The following HMCN2 variants were observed in gnomAD, a reference collection of about 807,000 sequenced individuals.
HMCN2 encodes the protein hemicentin 2.
A neutral mutation model predicts 377.5 loss-of-function variants in HMCN2; 325 were observed. That is an observed-to-expected ratio of 0.86 (90% CI 0.79 to 0.94). HMCN2 has a LOEUF of 0.94. Ranked by LOEUF, HMCN2 falls within the 40% of genes least tolerant of loss-of-function variation. The pLI, the probability that HMCN2 is intolerant of heterozygous loss-of-function variation, is 0.00. For missense variants in HMCN2, 4,543 were observed against 4,725.3 expected (o/e 0.96, Z 1.13); for synonymous variants, 2,007 against 2,046.8 (o/e 0.98, Z 0.53).
Position 130,427,326 on chromosome 9 carries a change from C to G in HMCN2, c.13893C>G (p.Val4631=). ...TTTGCTTTGCAGAGGAGAACGAGGT[C>G]GGCTGCCCCGAGGGCTTTGAGCTGG... ...ATALQAEENE[V]GCPEGFELDS... Residue 4631 remains valine, a synonymous_variant, in exon 91 of 98, where the codon GTC becomes GTG. Coordinates refer to ENST00000683500, the MANE Select transcript of HMCN2 (RefSeq NM_001291815.2). 1 of 1,550,530 alleles carries G rather than the reference C, an allele frequency of 6.4e-7. No homozygotes were observed.
chr9:130,391,754 AG>A (rs1302351533), intron 65 of HMCN2, among the ~76,000 whole-genome samples, 180 bp downstream of exon 65: 2 of 152,106 alleles, frequency 1.3e-5, no homozygotes, highest in Non-Finnish European at 2.9e-5. Flanking sequence ...GAGATTCGGG[AG>A]GTGAGAAGAG....
chr9:130,351,301 C>T lies in HMCN2; in HGVS notation c.4431-122C>T. On this transcript the variant is annotated intron_variant, in intron 29 of 97. Coordinates refer to ENST00000683500, the MANE Select transcript of HMCN2 (RefSeq NM_001291815.2). The surrounding 1 kb of genome is among the most constrained non-coding windows in gnomAD (Gnocchi z 5.4). ...GCTTACTGGGCCTTTGCATTGCTCC[C>T]ACCTCTTGGCGCTAATGAATGGCCC... 3.0e-6 allele frequency: 2 copies of T among 658,554 alleles called. No homozygotes were observed. Among genetic ancestry groups the T allele is most frequent in the Middle Eastern group, 5.1e-4 (1 of 1,952 alleles). 40.8% of individuals were successfully genotyped at this position (658,554 alleles called of 1,614,324 possible).
At chr9:130,309,710 T>C (rs1554938215) in intron 14 of HMCN2, among the ~76,000 whole-genome samples, 1 of 151,922 alleles carries the variant, frequency 6.6e-6, no homozygotes, top group African/African-American at 2.4e-5. Context: ...GCCCCAACCC[T>C]GTTCAACAGA....
intron 19 of HMCN2, among the ~76,000 whole-genome samples, chr9:130,323,857 C>T (rs1368326937): frequency 6.6e-6 from 1 of 152,130 alleles, no homozygotes; most frequent in Non-Finnish European, 1.5e-5. Flanking sequence ...CATGTGCCAC[C>T]ATGCCCGGCT....
chr9:130,421,748 C>T (rs946785650), intron 86 of HMCN2, among the ~76,000 whole-genome samples: 2 of 152,242 alleles, frequency 1.3e-5, no homozygotes, highest in Non-Finnish European at 2.9e-5. Flanking sequence ...CATCAAACCC[C>T]AGCTATGGGC....
intron 31 of HMCN2, among the ~76,000 whole-genome samples, chr9:130,353,534 C>T (rs1349542713): frequency 6.6e-6 from 1 of 152,208 alleles, no homozygotes; most frequent in African/African-American, 2.4e-5. Context: ...TAATTAACTG[C>T]CCTCAGCTCA....
Position 130,422,530 on chromosome 9 carries a change from C to A in HMCN2, c.13232-47C>A. 7.8e-7 allele frequency: 1 copy of A among 1,282,434 alleles called. No homozygotes were observed. The highest frequency in any genetic ancestry group is 2.7e-5 in the South Asian group (1 of 36,920). The allele number at this position is 1,282,434 out of a possible 1,614,324, so 79.4% of individuals were successfully genotyped here. On this transcript the variant is annotated intron_variant, in intron 86 of 97. Transcript: ENST00000683500. This position sits in a 1 kb window ranked among gnomAD's most constrained non-coding sequence, Gnocchi z 4.2. ...TGACAGCCTGCTTGTGCTGTGGGCC[C>A]CGGGGTGGATAGTCAGTGGCACTGT...
At position 130,304,816 on chromosome 9, in the gene HMCN2, G is replaced by A; in HGVS notation, c.1630G>A (p.Ala544Thr). 2.1e-6 allele frequency: 1 copy of A among 471,152 alleles called. No homozygotes were observed. The allele number at this position is 471,152 out of a possible 1,614,324, so 29.2% of individuals were successfully genotyped here. Residue 544 changes from alanine to threonine, a missense_variant, in exon 11 of 98, where the codon GCC becomes ACC. Coordinates refer to ENST00000683500, the MANE Select transcript of HMCN2 (RefSeq NM_001291815.2). This position sits in a 1 kb window ranked among gnomAD's most constrained non-coding sequence, Gnocchi z 4.3. ...CCTATCCTGCCGGGTCCTAGGCGAG[G>A]CCCCCTACAACCTGACGTGGGTCCG... ...AVLSCRVLGE[A>T]PYNLTWVRDW...
intron 31 of HMCN2, 70 bp downstream of exon 31, chr9:130,353,275 GTCTCCAAA>G: frequency 8.0e-7 from 1 of 1,252,188 alleles, no homozygotes; most frequent in Non-Finnish European, 1.0e-6. Context: ...GCCCCTGCCT[GTCTCCAAA>G]GGAAGGCTAG....
At chr9:130,284,800 G>T (rs531430433) in intron 2 of HMCN2, 127 bp downstream of exon 2, 1 of 429,096 alleles carries the variant, frequency 2.3e-6, no homozygotes, top group South Asian at 1.7e-5. Flanking sequence ...GGGTGAATGT[G>T]TGGCTTCCTT....
chr9:130,286,714 G>A (rs1835432908), intron 4 of HMCN2, among the ~76,000 whole-genome samples: 1 of 152,254 alleles, frequency 6.6e-6, no homozygotes, highest in East Asian at 1.9e-4. Context: ...CAGAGTCAGG[G>A]AACCTGCGGT....
chr9:130,292,865 G>T (rs141537935), intron 4 of HMCN2, among the ~76,000 whole-genome samples: 1 of 152,144 alleles, frequency 6.6e-6, no homozygotes, highest in African/African-American at 2.4e-5. Context: ...AGGAACCCTC[G>T]TGGGGAATGG....
chr9:130,305,556 A>T (rs1177474242), intron 11 of HMCN2, among the ~76,000 whole-genome samples: 1 of 152,202 alleles, frequency 6.6e-6, no homozygotes, highest in African/African-American at 2.4e-5. Context: ...AGTGGCTGCC[A>T]GAGTGTGTTG....
intron 4 of HMCN2, among the ~76,000 whole-genome samples, chr9:130,288,039 A>C (rs1835515756): frequency 6.6e-6 from 1 of 152,162 alleles, no homozygotes; most frequent in African/African-American, 2.4e-5. Context: ...CCTCGCACCG[A>C]GTCACCCAAG....
At position 130,383,570 on chromosome 9, in the gene HMCN2, G is replaced by T. The variant is rs951802780; in HGVS notation, c.8800G>T (p.Ala2934Ser). The T allele has an allele frequency of 2.0e-6, 2 of 986,018 alleles. No homozygotes were observed. The highest frequency in any genetic ancestry group is 1.2e-6 in the Non-Finnish European group (1 of 830,052). The allele number at this position is 986,018 out of a possible 1,614,324, so 61.1% of individuals were successfully genotyped here. The stretch of plus-strand genomic sequence containing the variant: ...TGTGGCCGAGAACCAGGCGGGCTCC[G>T]CTGAGAAGCTCTTCACCCTCAGGGT... ...MCVAENQAGS[A>S]EKLFTLRVQV... Residue 2934 changes from alanine to serine, a missense_variant, in exon 57 of 98, where the codon GCT (alanine) becomes TCT (serine). Coordinates refer to ENST00000683500, the MANE Select transcript of HMCN2 (RefSeq NM_001291815.2).
intron 71 of HMCN2, 52 bp downstream of exon 71, chr9:130,395,399 C>T: frequency 1.6e-6 from 2 of 1,232,996 alleles, no homozygotes; most frequent in African/African-American, 1.6e-5. Context: ...GCTCAGGCCT[C>T]AGACCTGACC....
rs1839930333 is a variant in HMCN2 at position 130,354,768 on chromosome 9, C to T, written c.4870C>T (p.Pro1624Ser). The part of the protein sequence containing the change: ...KATRLDVYVP[P>S]TIEGAGGRPY... The stretch of plus-strand genomic sequence containing the variant: ...GCCCCCTGCCTCTTTTCCAGTCCCA[C>T]CTACCATCGAGGGCGCCGGTGGAAG... Residue 1624 changes from proline (P) to serine (S), a missense_variant, in exon 32 of 98, where the codon CCT becomes TCT. By Grantham distance (74) the Pro-to-Ser change is moderately conservative (BLOSUM62 -1). Transcript: ENST00000683500. 1.5e-6 allele frequency: 2 copies of T among 1,298,862 alleles called. No homozygotes were observed. Among genetic ancestry groups the T allele is most frequent in the Admixed American group, 2.3e-5 (1 of 43,248 alleles). 80.5% of individuals were successfully genotyped at this position (1,298,862 alleles called of 1,614,324 possible). A position where few individuals can be genotyped will look rare whatever the true frequency, so the allele number is the denominator to read the frequency against.
chr9:130,433,431 G>C lies in HMCN2; in HGVS notation c.14978G>C (p.Gly4993Ala), dbSNP rs769432528. Reference sequence around the variant, plus strand: ...TACCGGCTGCTGCCGCTGCCCCTGGGCGTGCGCGCCCACCACGACGTGGCC... The same window carrying C: ...TACCGGCTGCTGCCGCTGCCCCTGGCCGTGCGCGCCCACCACGACGTGGCC... The part of the protein sequence containing the change: ...LQYRLLPLPL[G>A]VRAHHDVARL... The change falls in exon 98 of 98, where the codon GGC (glycine) becomes GCC (alanine). Residue 4993 changes from glycine to alanine, a missense_variant. Transcript: ENST00000683500. The C allele has an allele frequency of 6.7e-7, 1 of 1,493,554 alleles. No individual in the cohort carries two copies. 92.5% of individuals were successfully genotyped at this position (1,493,554 alleles called of 1,614,324 possible).
At chr9:130,359,534 C>G (rs1840243964) in intron 37 of HMCN2, 120 bp downstream of exon 37, 4 of 390,082 alleles carry the variant, frequency 1.0e-5, no homozygotes, top group South Asian at 8.6e-5. Context: ...CAGGTCTTTC[C>G]CCCCCGTTTC....
Sources: gnomAD v4.1 joint callset for allele counts (sites outside exome capture counted in the v4.1 genomes callset) on GRCh38, gnomAD v4.1.1 for gene constraint, Gnocchi (gnomAD v3.1) non-coding constraint, MANE v1.5 for transcripts, NCBI Gene and HGNC (gene_info 2026-07-23, HGNC 2026-07-21) for gene names.